The following NLK variants were observed in gnomAD, a reference collection of about 807,000 sequenced individuals.
NLK encodes nemo like kinase.
NLK carries 11 observed loss-of-function variants against 59.0 expected under a neutral mutation model. The ratio of observed to expected loss-of-function variants is 0.19; its 90% CI spans 0.12 to 0.31. NLK has a LOEUF of 0.31. Among genes scored for constraint, NLK ranks in the 10% least tolerant of loss-of-function variants. The pLI is 1.00. For synonymous variants in NLK, 235 were observed against 235.9 expected, an observed-to-expected ratio of 1.00 and a Z score of 0.03; for missense variants, 410 against 661.1, an observed-to-expected ratio of 0.62 and a Z score of 4.16.
chr17:28,100,850 T>G (rs1186793819), intron 1 of NLK, among the ~76,000 whole-genome samples: 1 of 152,188 alleles, frequency 6.6e-6, no homozygotes, highest in East Asian at 1.9e-4. Context: ...ACCTTTTAAA[T>G]TTAGTCCTGA....
chr17:28,112,968 C>T (rs1905590078), intron 1 of NLK, among the ~76,000 whole-genome samples: 1 of 151,894 alleles, frequency 6.6e-6, no homozygotes, highest in Non-Finnish European at 1.5e-5. Flanking sequence ...GAATTTGGCA[C>T]AGGGAGAGAA....
intron 1 of NLK, among the ~76,000 whole-genome samples, chr17:28,095,890 G>A: frequency 6.6e-6 from 1 of 152,264 alleles, no homozygotes; most frequent in East Asian, 1.9e-4. Context: ...TTTTTCCCAA[G>A]TGTGTTCCTG....
chr17:28,079,442 G>GT (rs1910270597), intron 1 of NLK, among the ~76,000 whole-genome samples: 1 of 152,140 alleles, frequency 6.6e-6, no homozygotes, highest in Admixed American at 6.5e-5. Flanking sequence ...CCTTCATACT[G>GT]TTTTCCATAG....
At chr17:28,060,394 T>C (rs572815850) in intron 1 of NLK, among the ~76,000 whole-genome samples, 3 of 152,198 alleles carry the variant, frequency 2.0e-5, no homozygotes, top group Non-Finnish European at 4.4e-5. Context: ...GCAATATATG[T>C]GAAAAATAAA....
intron 1 of NLK, among the ~76,000 whole-genome samples, chr17:28,052,429 T>C (rs1175889704): frequency 6.6e-6 from 1 of 152,190 alleles, no homozygotes; most frequent in African/African-American, 2.4e-5. Context: ...CTAGTTTGCA[T>C]GTGGGCCTCC....
chr17:28,188,127 C>T (rs1319507151), intron 8 of NLK, among the ~76,000 whole-genome samples: 1 of 152,122 alleles, frequency 6.6e-6, no homozygotes, highest in Non-Finnish European at 1.5e-5. Flanking sequence ...GGCTTGAACC[C>T]AGGAGGTTAA....
intron 5 of NLK, 132 bp downstream of exon 5, chr17:28,163,760 A>C (rs570121302): frequency 1.7e-6 from 1 of 599,268 alleles, no homozygotes; most frequent in East Asian, 2.9e-5. Flanking sequence ...TTTTCTCCAT[A>C]TCACTACTCA....
chr17:28,059,716 T>A (rs1049412609), intron 1 of NLK, among the ~76,000 whole-genome samples: 1 of 152,218 alleles, frequency 6.6e-6, no homozygotes, highest in African/African-American at 2.4e-5. Flanking sequence ...TGGTGGCATA[T>A]GTTTAACAAC....
chr17:28,191,251 A>G (rs1403906630), intron 9 of NLK, 32 bp downstream of exon 9: 1 of 1,523,672 alleles, frequency 6.6e-7, no homozygotes. Context: ...TGGCCAGGCA[A>G]TATGCCTAGT....
chr17:28,125,753 C>G (rs1906264463), intron 2 of NLK, among the ~76,000 whole-genome samples: 1 of 152,040 alleles, frequency 6.6e-6, no homozygotes, highest in Non-Finnish European at 1.5e-5. Context: ...TTTATTGTGT[C>G]CTATGTAAGG....
chr17:28,080,767 A>C, intron 1 of NLK, among the ~76,000 whole-genome samples: 1 of 152,306 alleles, frequency 6.6e-6, no homozygotes. Flanking sequence ...CAGAAGACCA[A>C]ACATCCAAAA....
intron 3 of NLK, among the ~76,000 whole-genome samples, chr17:28,158,061 G>A (rs898758804): frequency 2.0e-5 from 3 of 152,098 alleles, no homozygotes; most frequent in East Asian, 1.9e-4. Context: ...TAACTACTAA[G>A]GGAAGAAGAA....
intron 1 of NLK, among the ~76,000 whole-genome samples, chr17:28,091,020 T>C (rs1904472613): frequency 6.6e-6 from 1 of 152,188 alleles, no homozygotes; most frequent in Non-Finnish European, 1.5e-5. Flanking sequence ...AGTGGAATAC[T>C]ATATATATGA....
intron 1 of NLK, among the ~76,000 whole-genome samples, chr17:28,066,229 C>T (rs186686558): frequency 2.2e-4 from 33 of 152,314 alleles, no homozygotes; most frequent in African/African-American, 7.0e-4. Flanking sequence ...ACCAGTCTAA[C>T]CTCTTTCTTT....
chr17:28,062,236 C>T lies in NLK; in HGVS notation c.458+18905C>T, dbSNP rs138611820. On this transcript the variant is annotated intron_variant, in intron 1 of 10. Transcript: ENST00000407008. The stretch of plus-strand genomic sequence containing the variant: ...TCTAGAATGGTGACTCCATAGTCCT[C>T]ATTTAGTGGCTTAATTCAGACTTTT... 7.0e-4 allele frequency among the ~76,000 whole-genome samples: 106 copies of T among 152,220 alleles called. 1 individual carries two copies. In the East Asian group the frequency reaches 0.019, roughly 28 times the overall value.
chr17:28,142,164 C>A (rs1053899513), intron 3 of NLK, among the ~76,000 whole-genome samples: 1 of 152,316 alleles, frequency 6.6e-6, no homozygotes, highest in Non-Finnish European at 1.5e-5. Flanking sequence ...ACCTTATGGA[C>A]TGTAACAATA....
chr17:28,073,015 G>A (rs945638108), intron 1 of NLK, among the ~76,000 whole-genome samples: 3 of 151,158 alleles, frequency 2.0e-5, no homozygotes, highest in Admixed American at 6.6e-5. Context: ...TTGAAGCAGG[G>A]TATTAGATTT....
At chr17:28,179,297 A>G (rs929516997) in intron 7 of NLK, among the ~76,000 whole-genome samples, 6 of 152,064 alleles carry the variant, frequency 3.9e-5, no homozygotes, top group African/African-American at 9.7e-5. Flanking sequence ...ACTAGAGTGC[A>G]TAGCTCACTG....
chr17:28,155,120 C>T (rs1261658969), intron 3 of NLK, among the ~76,000 whole-genome samples: 7 of 152,138 alleles, frequency 4.6e-5, no homozygotes, highest in East Asian at 1.9e-4. Context: ...TATAGCCACA[C>T]GTTAGAACAC....
Sources: gnomAD v4.1 joint callset for allele counts (sites outside exome capture counted in the v4.1 genomes callset) on GRCh38, gnomAD v4.1.1 for gene constraint, MANE v1.5 for transcripts, NCBI Gene and HGNC (gene_info 2026-07-23, HGNC 2026-07-21) for gene names.